The following PKD2L2 variants were observed in gnomAD, a reference collection of about 807,000 sequenced individuals.
The protein encoded by PKD2L2 is polycystin 2 like 2, transient receptor potential cation channel.
Under a neutral mutation model 83.9 loss-of-function variants are expected in PKD2L2, and 67 were observed. That is an observed-to-expected ratio of 0.80 (90% CI 0.66 to 0.98). The LOEUF (loss-of-function observed/expected upper bound fraction) is 0.98. Ranked by LOEUF, PKD2L2 falls within the 50% of genes least tolerant of loss-of-function variation. PKD2L2 has a pLI of 0.00. For missense variants in PKD2L2, 632 were observed against 717.2 expected (o/e 0.88, Z 1.36); for synonymous variants, 223 against 237.8 (o/e 0.94, Z 0.57).
chr5:137,925,233 G>A, intron 11 of PKD2L2, 129 bp downstream of exon 11: 1 of 629,206 alleles, frequency 1.6e-6, no homozygotes, highest in East Asian at 2.8e-5. Context: ...TCACCATGTT[G>A]GTCAGACTGG....
At chr5:137,920,705 C>T (rs1001937838) in intron 8 of PKD2L2, among the ~76,000 whole-genome samples, 23 of 150,628 alleles carry the variant, frequency 1.5e-4, no homozygotes, top group African/African-American at 3.9e-4. Context: ...TGTGGTGAGC[C>T]GAGATCGTGC....
chr5:137,929,173 C>T (rs1388464389), intron 12 of PKD2L2, among the ~76,000 whole-genome samples: 2 of 152,090 alleles, frequency 1.3e-5, no homozygotes, highest in Admixed American at 6.6e-5. Context: ...AAAAGATACA[C>T]AAAGATGGCC....
chr5:137,925,656 C>G (rs1759320100), intron 11 of PKD2L2, among the ~76,000 whole-genome samples: 1 of 152,128 alleles, frequency 6.6e-6, no homozygotes, highest in Non-Finnish European at 1.5e-5. Flanking sequence ...AAAATACTTC[C>G]CAAACCCAGA....
At chr5:137,932,392 C>T (rs926474326) in intron 12 of PKD2L2, among the ~76,000 whole-genome samples, 5 of 151,114 alleles carry the variant, frequency 3.3e-5, no homozygotes, top group African/African-American at 9.7e-5. Flanking sequence ...AATGAGAAAA[C>T]GTACTACATC....
At position 137,935,955 on chromosome 5, in the gene PKD2L2, C is replaced by A. The variant is rs150051698; in HGVS notation, c.1784+46C>A. On this transcript the variant is annotated intron_variant, in intron 13 of 14. Coordinates refer to ENST00000508883, the MANE Select transcript of PKD2L2 (RefSeq NM_001300921.2). ...GACTATTATGGGATATCATGACATGCGCATTAAGGACATGAGTTAAACACA... is the reference window on the plus strand; with the variant it reads ...GACTATTATGGGATATCATGACATGAGCATTAAGGACATGAGTTAAACACA... 1,040 of 1,027,670 alleles carry A rather than the reference C, an allele frequency of 1.0e-3. 9 individuals are homozygous for A. The Middle Eastern group carries it at 0.026, about 25-fold the overall frequency. 63.7% of individuals were successfully genotyped at this position (1,027,670 alleles called of 1,614,324 possible).
chr5:137,940,292 T>G, intron 14 of PKD2L2: 7 of 1,612,276 alleles, frequency 4.3e-6, no homozygotes, highest in Non-Finnish European at 5.9e-6. Flanking sequence ...GGCTTTAATT[T>G]TCTTGTACTC....
chr5:137,936,378 A>T lies in PKD2L2; in HGVS notation c.1843A>T (p.Asn615Tyr). Residue 615 changes from asparagine (N) to tyrosine (Y), a missense_variant, in exon 14 of 15, where the codon AAT becomes TAT. Physicochemically the swap from Asn to Tyr is moderately radical, Grantham distance 143 (BLOSUM62 -2). This residue lies in a region of PKD2L2 where 399 missense variants were observed against 416.9 expected (regional missense o/e 0.96). Transcript: ENST00000508883. ...ATTACACTACATCAATTTGAAGCTA[A>T]ATCAAGTGGTGAGAAAGGTTTCAGC... ...KELHYINLKL[N>Y]QVVRKVSAL The T allele has an allele frequency of 6.5e-7, 1 of 1,534,700 alleles. No individual in the cohort carries two copies. The highest frequency in any genetic ancestry group is 8.7e-7 in the Non-Finnish European group (1 of 1,145,356).
chr5:137,899,777 T>C, intron 5 of PKD2L2, 40 bp downstream of exon 5: 1 of 1,190,406 alleles, frequency 8.4e-7, no homozygotes, highest in Non-Finnish European at 1.2e-6. Context: ...CAGTGGTCAA[T>C]GGCCTACAAA....
intron 10 of PKD2L2, among the ~76,000 whole-genome samples, chr5:137,923,977 T>C (rs1759156689): frequency 6.6e-6 from 1 of 152,210 alleles, no homozygotes; most frequent in Admixed American, 6.5e-5. Context: ...TCAAAAACCA[T>C]GAAAAGAATT....
chr5:137,897,032 T>C (rs550837118), intron 4 of PKD2L2, among the ~76,000 whole-genome samples: 1 of 95,180 alleles, frequency 1.1e-5, no homozygotes, highest in Non-Finnish European at 2.1e-5. Flanking sequence ...GATACATTAT[T>C]ATATTATTAT....
rs1303128900 is a variant in PKD2L2, at chr5:137,936,303, C to G, written c.1785-17C>G. ...TTTATTACTGACTCATTCTCTACTT[C>G]CTTCGAAATTTTCTAGACTTTTTTT... On this transcript the variant is annotated splice_polypyrimidine_tract_variant and intron_variant, in intron 13 of 14. Coordinates refer to ENST00000508883, the MANE Select transcript of PKD2L2 (RefSeq NM_001300921.2). 1 of 1,524,296 alleles carries G rather than the reference C, an allele frequency of 6.6e-7. No individual in the cohort carries two copies. Among genetic ancestry groups the G allele is most frequent in the Admixed American group, 2.0e-5 (1 of 50,978 alleles). 94.4% of individuals were successfully genotyped at this position (1,524,296 alleles called of 1,614,324 possible).
At chr5:137,940,916 T>A (rs1019005327) in intron 14 of PKD2L2, among the ~76,000 whole-genome samples, 23 of 152,202 alleles carry the variant, frequency 1.5e-4, no homozygotes, top group Non-Finnish European at 2.9e-4. Flanking sequence ...AATTTATTTA[T>A]TTATTTTGAG....
chr5:137,891,477 A>G (rs1580879731), intron 2 of PKD2L2, among the ~76,000 whole-genome samples: 1 of 152,056 alleles, frequency 6.6e-6, no homozygotes, highest in African/African-American at 2.4e-5. Flanking sequence ...AGGAAAAAAA[A>G]AAAAAAGATA....
intron 5 of PKD2L2, among the ~76,000 whole-genome samples, chr5:137,901,423 T>G (rs1756949353): frequency 6.8e-6 from 1 of 146,478 alleles, no homozygotes; most frequent in South Asian, 2.1e-4. Flanking sequence ...AAAAAAAAAA[T>G]GCCACAAAGA....
In PKD2L2 at chr5:137,907,926, A is replaced by G; in HGVS notation, c.1146+14A>G. 4 of 1,099,502 alleles carry G rather than the reference A, an allele frequency of 3.6e-6. No homozygotes were observed. Among genetic ancestry groups the G allele is most frequent in the Non-Finnish European group, 5.2e-6 (4 of 764,396 alleles). The allele number at this position is 1,099,502 out of a possible 1,614,324, so 68.1% of individuals were successfully genotyped here. ...GCATGGATAAAGGTATTTATATTTC[A>G]TTATATTACATAATACAAGCAGTGT... is the stretch of plus-strand genomic sequence containing the variant. On this transcript the variant is annotated intron_variant, in intron 7 of 14. Coordinates refer to ENST00000508883, the MANE Select transcript of PKD2L2 (RefSeq NM_001300921.2).
chr5:137,906,209 G>A lies in PKD2L2; in HGVS notation c.750G>A (p.Leu250=). 1 of 1,585,000 alleles carries A rather than the reference G, an allele frequency of 6.3e-7. No individual in the cohort carries two copies. Among genetic ancestry groups the A allele is most frequent in the Non-Finnish European group, 8.6e-7 (1 of 1,159,772 alleles). Reference sequence around the variant, plus strand: ...TTTCACAAACCTGATTTTACAGATTGGTGGCAGAATTCCCTGCAACTGGAG... The same window carrying A: ...TTTCACAAACCTGATTTTACAGATTAGTGGCAGAATTCCCTGCAACTGGAG... ...ANVNLFCIIR[L]VAEFPATGGI... Residue 250 remains leucine (L), a synonymous_variant, in exon 6 of 15, where the codon TTG becomes TTA. Coordinates refer to ENST00000508883, the MANE Select transcript of PKD2L2 (RefSeq NM_001300921.2).
At chr5:137,918,967 T>TGA (rs1374825483) in intron 8 of PKD2L2, among the ~76,000 whole-genome samples, 9,185 of 147,928 alleles carry the variant, frequency 0.062, 1,174 homozygotes, top group Non-Finnish European at 0.092. Context: ...TGTGTGTGTG[T>TGA]GAGTGTGTGT....
At chr5:137,896,697 C>T (rs1057044181) in intron 4 of PKD2L2, among the ~76,000 whole-genome samples, 1 of 152,070 alleles carries the variant, frequency 6.6e-6, no homozygotes, top group African/African-American at 2.4e-5. Context: ...CAGGTGTGAG[C>T]CACTGCGCCT....
At chr5:137,927,261 T>C (rs996017720) in intron 12 of PKD2L2, among the ~76,000 whole-genome samples, 7 of 152,238 alleles carry the variant, frequency 4.6e-5, no homozygotes, top group African/African-American at 1.7e-4. Flanking sequence ...AATTATATGC[T>C]GCCTGATAGG....
Sources: allele counts gnomAD v4.1 joint callset (sites outside exome capture counted in the v4.1 genomes callset), GRCh38; gene constraint gnomAD v4.1.1; regional missense constraint gnomAD v4.1.1; transcripts MANE v1.5; gene names NCBI Gene and HGNC (gene_info 2026-07-23, HGNC 2026-07-21).